C8orf34: variants seen among roughly 807,000 people sequenced by gnomAD.
C8orf34 encodes uncharacterized protein C8orf34.
Under a neutral mutation model 68.3 loss-of-function variants are expected in C8orf34, and 65 were observed. The observed-to-expected ratio is 0.95, with a 90% CI of 0.78 to 1.17. The LOEUF (loss-of-function observed/expected upper bound fraction) is 1.17. Among genes scored for constraint, C8orf34 ranks in the 50% most tolerant of loss-of-function variants. The pLI is 0.00. For synonymous variants in C8orf34, 244 were observed against 241.2 expected (o/e 1.01, Z -0.11); for missense variants, 664 against 655.4 (o/e 1.01, Z -0.14).
chr8:68,408,669 G>A (rs58125593), intron 1 of C8orf34, among the ~76,000 whole-genome samples: 6,195 of 152,250 alleles, frequency 0.041, 387 homozygotes, highest in African/African-American at 0.13. Flanking sequence ...CAGTGGTCCC[G>A]TAGAGCTCAG....
intron 7 of C8orf34, among the ~76,000 whole-genome samples, chr8:68,601,912 G>A (rs921570270): frequency 6.6e-6 from 1 of 152,136 alleles, no homozygotes; most frequent in Admixed American, 6.6e-5. Context: ...GATCCAGGTG[G>A]ATGTGGATGT....
intron 5 of C8orf34, among the ~76,000 whole-genome samples, chr8:68,499,395 T>C (rs1813669343): frequency 2.0e-5 from 3 of 151,998 alleles, no homozygotes; most frequent in African/African-American, 7.3e-5. Flanking sequence ...TCTGGGAAAA[T>C]TCAAGCATAA....
intron 8 of C8orf34, among the ~76,000 whole-genome samples, chr8:68,701,600 G>A (rs903874075): frequency 2.6e-5 from 4 of 151,816 alleles, no homozygotes; most frequent in East Asian, 1.9e-4. Flanking sequence ...GACCACACTC[G>A]TCTTTCACTA....
chr8:68,431,586 G>C (rs1396533464), intron 1 of C8orf34, among the ~76,000 whole-genome samples: 9 of 152,062 alleles, frequency 5.9e-5, no homozygotes, highest in Non-Finnish European at 1.2e-4. Context: ...ATTTCTCACT[G>C]GAAACCTTGG....
At chr8:68,696,269 A>G (rs1820832084) in intron 8 of C8orf34, among the ~76,000 whole-genome samples, 2 of 148,116 alleles carry the variant, frequency 1.4e-5, no homozygotes, top group Non-Finnish European at 3.0e-5. Flanking sequence ...ATAAATATGA[A>G]CAGTAAAGGA....
intron 2 of C8orf34, among the ~76,000 whole-genome samples, chr8:68,441,055 T>A (rs1024374566): frequency 6.6e-6 from 1 of 152,102 alleles, no homozygotes; most frequent in Non-Finnish European, 1.5e-5. Context: ...CCGCCCTCCT[T>A]GGCCTCCCAA....
At chr8:68,534,714 T>C (rs1815388960) in intron 7 of C8orf34, 1 of 985,392 alleles carries the variant, frequency 1.0e-6, no homozygotes, top group Non-Finnish European at 1.2e-6. Flanking sequence ...TACCTGTAAA[T>C]GGTTCCTCTG....
At chr8:68,763,772 C>A (rs1027303116) in intron 10 of C8orf34, among the ~76,000 whole-genome samples, 2 of 152,138 alleles carry the variant, frequency 1.3e-5, no homozygotes, top group Non-Finnish European at 2.9e-5. Context: ...CATTCAAGAA[C>A]TGTTTTGGAG....
At chr8:68,392,876 C>G (rs1235499639) in intron 1 of C8orf34, among the ~76,000 whole-genome samples, 2 of 151,998 alleles carry the variant, frequency 1.3e-5, no homozygotes, top group African/African-American at 4.8e-5. Flanking sequence ...TTGGAAAAAG[C>G]CTAAGGATTG....
chr8:68,544,197 G>C (rs1815794161), intron 7 of C8orf34, among the ~76,000 whole-genome samples: 1 of 152,124 alleles, frequency 6.6e-6, no homozygotes, highest in African/African-American at 2.4e-5. Context: ...ACAAGAGCAG[G>C]ACCACTCAAG....
At chr8:68,390,247 G>A (rs150664339) in intron 1 of C8orf34, among the ~76,000 whole-genome samples, 2 of 152,198 alleles carry the variant, frequency 1.3e-5, no homozygotes, top group East Asian at 1.9e-4. Flanking sequence ...GCCCCTTAAT[G>A]TGTTAGTGCC....
chr8:68,815,667 C>T (rs545485035), intron 12 of C8orf34, among the ~76,000 whole-genome samples: 40 of 152,046 alleles, frequency 2.6e-4, no homozygotes, highest in Admixed American at 5.2e-4. Flanking sequence ...GAAAAATTAC[C>T]GGAGGTTTAA....
At chr8:68,482,459 G>A (rs1466501449) in intron 4 of C8orf34, among the ~76,000 whole-genome samples, 1 of 152,246 alleles carries the variant, frequency 6.6e-6, no homozygotes, top group East Asian at 1.9e-4. Context: ...AATATAAGTA[G>A]AGACAAGGTC....
At chr8:68,441,165 C>T (rs867764071) in intron 2 of C8orf34, among the ~76,000 whole-genome samples, 13 of 152,070 alleles carry the variant, frequency 8.5e-5, no homozygotes, top group African/African-American at 3.1e-4. Context: ...GAAGTCTGTG[C>T]ACGGTTTAGC....
chr8:68,417,720 G>A (rs1374194337), intron 1 of C8orf34, among the ~76,000 whole-genome samples: 4 of 152,118 alleles, frequency 2.6e-5, no homozygotes, highest in Admixed American at 2.6e-4. Flanking sequence ...TTTGAAGTCA[G>A]GTAGTGTGAT....
At chr8:68,358,556 C>A (rs1310503096) in intron 1 of C8orf34, among the ~76,000 whole-genome samples, 1 of 152,018 alleles carries the variant, frequency 6.6e-6, no homozygotes, top group Non-Finnish European at 1.5e-5. Context: ...GGCTCTGCCT[C>A]CTTAAAAAGA....
At chr8:68,556,654 C>T (rs992777968) in intron 7 of C8orf34, among the ~76,000 whole-genome samples, 2 of 152,008 alleles carry the variant, frequency 1.3e-5, no homozygotes, top group East Asian at 1.9e-4. Context: ...GACGACCCTG[C>T]GAATCAGACC....
chr8:68,818,397 G>T lies in C8orf34; in HGVS notation c.*151G>T. The T allele has an allele frequency of 1.2e-6, 1 of 851,248 alleles. No homozygotes were observed. Among genetic ancestry groups the T allele is most frequent in the Non-Finnish European group, 1.8e-6 (1 of 541,194 alleles). The allele number at this position is 851,248 out of a possible 1,614,324, so 52.7% of individuals were successfully genotyped here. ...TAAACAAGTACTATCGTAGCCAGGG[G>T]GTGCCCAAGTATGTAATCAGAGAAC... On this transcript the variant is annotated 3_prime_UTR_variant, in exon 14 of 14. Coordinates refer to ENST00000518698, the MANE Select transcript of C8orf34 (RefSeq NM_052958.4).
intron 1 of C8orf34, among the ~76,000 whole-genome samples, chr8:68,393,398 A>G (rs548704282): frequency 6.6e-6 from 1 of 152,268 alleles, no homozygotes; most frequent in East Asian, 1.9e-4. Context: ...TTTTGGTAGA[A>G]CAAAGCACAG....
Sources: allele counts gnomAD v4.1 joint callset (sites outside exome capture counted in the v4.1 genomes callset), GRCh38; gene constraint gnomAD v4.1.1; transcripts MANE v1.5; gene names NCBI Gene and HGNC (gene_info 2026-07-23, HGNC 2026-07-21).